KCNK10: variants seen among roughly 807,000 people sequenced by gnomAD.
The protein encoded by KCNK10 is potassium two pore domain channel subfamily K member 10, also known as potassium channel subfamily K member 10.
Under a neutral mutation model 47.7 loss-of-function variants are expected in KCNK10, and 25 were observed. The observed-to-expected ratio is 0.52, with a 90% CI of 0.38 to 0.73. The LOEUF is 0.73. Ranked by LOEUF, KCNK10 falls within the 30% of genes least tolerant of loss-of-function variation. The pLI, the probability that KCNK10 is intolerant of heterozygous loss-of-function variation, is 0.00. For synonymous variants in KCNK10, 303 were observed against 285.6 expected (o/e 1.06, Z -0.61); for missense variants, 563 against 714.5 (o/e 0.79, Z 2.42).
chr14:88,301,698 C>T (rs1888104012), intron 1 of KCNK10, among the ~76,000 whole-genome samples: 1 of 150,720 alleles, frequency 6.6e-6, no homozygotes, highest in Non-Finnish European at 1.5e-5. Context: ...TCAGGAGGAG[C>T]TTGTTTTATT....
At chr14:88,299,595 C>A (rs1389524279) in intron 1 of KCNK10, among the ~76,000 whole-genome samples, 3 of 152,148 alleles carry the variant, frequency 2.0e-5, no homozygotes, top group Admixed American at 1.3e-4. Flanking sequence ...CACAAGACAG[C>A]ATTAGGTAAC....
At chr14:88,325,253 G>A (rs534119797), upstream of KCNK10, among the ~76,000 whole-genome samples, 3 of 152,090 alleles carry the variant, frequency 2.0e-5, no homozygotes, top group South Asian at 6.2e-4. Context: ...AACTGTTCAC[G>A]GACAGCTGGA....
chr14:88,217,131 T>C (rs914533114), intron 4 of KCNK10, among the ~76,000 whole-genome samples: 1 of 152,226 alleles, frequency 6.6e-6, no homozygotes, highest in African/African-American at 2.4e-5. Context: ...CCCTCCAGCC[T>C]GGGCAACAGA....
At chr14:88,227,296 G>T in intron 4 of KCNK10, 79 bp downstream of exon 4, 1 of 1,165,534 alleles carries the variant, frequency 8.6e-7, no homozygotes, top group Non-Finnish European at 1.2e-6. Flanking sequence ...CAATGCCCCT[G>T]ATACTGCCTC....
intron 1 of KCNK10, among the ~76,000 whole-genome samples, chr14:88,283,236 T>TA (rs1417943881): frequency 6.6e-6 from 1 of 152,226 alleles, no homozygotes; most frequent in Non-Finnish European, 1.5e-5. Context: ...CACATTTATG[T>TA]AAAAAATCAG....
intron 4 of KCNK10, among the ~76,000 whole-genome samples, chr14:88,207,770 A>G (rs1361241420): frequency 6.6e-6 from 1 of 152,152 alleles, no homozygotes; most frequent in Non-Finnish European, 1.5e-5. Context: ...ACCCGACCTC[A>G]CACAACTCAT....
chr14:88,190,766 A>G (rs1238714465), intron 5 of KCNK10, among the ~76,000 whole-genome samples: 4 of 152,226 alleles, frequency 2.6e-5, no homozygotes, highest in Admixed American at 6.5e-5. Flanking sequence ...GAAGAGCTAC[A>G]AAACCACTCT....
chr14:88,209,087 T>G (rs2139848138), intron 4 of KCNK10, among the ~76,000 whole-genome samples: 1 of 152,326 alleles, frequency 6.6e-6, no homozygotes. Flanking sequence ...ATACAGTATC[T>G]AAACAGAAGA....
At chr14:88,302,462 C>A (rs1888121128) in intron 1 of KCNK10, among the ~76,000 whole-genome samples, 1 of 152,232 alleles carries the variant, frequency 6.6e-6, no homozygotes, top group Admixed American at 6.5e-5. Flanking sequence ...GTAATCCCAG[C>A]ACTTTGGGAG....
rs528236249 is a variant in KCNK10 at position 88,272,363 on chromosome 14, G to T, written c.53-8812C>A. On this transcript the variant is annotated intron_variant, in intron 1 of 6. Coordinates refer to ENST00000319231, the MANE Select transcript of KCNK10 (RefSeq NM_138317.3). Reference sequence around the variant, plus strand: ...GGGGACAGAAAGACATGAAGAGAGAGTGTCAGTGCCACCGAAGAGGAGACG... The same window carrying T: ...GGGGACAGAAAGACATGAAGAGAGATTGTCAGTGCCACCGAAGAGGAGACG... Among the ~76,000 whole-genome samples the T allele has an allele frequency of 2.0e-4, 30 of 152,264 alleles. No individual in the cohort carries two copies. In the South Asian group the frequency reaches 6.2e-3, roughly 32 times the overall value.
At chr14:88,287,505 A>G (rs1887787405) in intron 1 of KCNK10, among the ~76,000 whole-genome samples, 1 of 152,158 alleles carries the variant, frequency 6.6e-6, no homozygotes, top group Non-Finnish European at 1.5e-5. Context: ...AAGTCCAATG[A>G]GGATGCCTTT....
In KCNK10 at chr14:88,227,597, T is replaced by A. The variant is rs1886029046; in HGVS notation, c.521-62A>T. Reference sequence around the variant, plus strand: ...GAAATTAGCATACTGACCAAAGAACTCACAGACTTTTTTAAAAGTTTGTAC... The same window carrying A: ...GAAATTAGCATACTGACCAAAGAACACACAGACTTTTTTAAAAGTTTGTAC... On this transcript the variant is annotated intron_variant, in intron 3 of 6. Coordinates refer to ENST00000319231, the MANE Select transcript of KCNK10 (RefSeq NM_138317.3). 10 of 1,476,322 alleles carry A rather than the reference T, an allele frequency of 6.8e-6. No homozygotes were observed. In the South Asian group the frequency reaches 1.4e-4, roughly 20 times the overall value. 91.5% of individuals were successfully genotyped at this position (1,476,322 alleles called of 1,614,324 possible). A position where few individuals can be genotyped will look rare whatever the true frequency, so the allele number is the denominator to read the frequency against.
chr14:88,199,224 A>G (rs561527048), intron 4 of KCNK10, among the ~76,000 whole-genome samples: 63 of 152,034 alleles, frequency 4.1e-4, no homozygotes, highest in African/African-American at 1.5e-3. Flanking sequence ...CCGGCCCATG[A>G]TTTTTTTATT....
intron 2 of KCNK10, among the ~76,000 whole-genome samples, chr14:88,257,959 C>T (rs1291920862): frequency 1.3e-5 from 2 of 152,004 alleles, no homozygotes; most frequent in Admixed American, 6.6e-5. Flanking sequence ...CTGGCCTCTA[C>T]CCACTAGATG....
At chr14:88,218,178 T>G (rs1228598919) in intron 4 of KCNK10, among the ~76,000 whole-genome samples, 1 of 152,178 alleles carries the variant, frequency 6.6e-6, no homozygotes, top group African/African-American at 2.4e-5. Flanking sequence ...GTAATTATTT[T>G]AAGTTAACCC....
At chr14:88,212,325 A>T (rs1885488811) in intron 4 of KCNK10, among the ~76,000 whole-genome samples, 3 of 151,914 alleles carry the variant, frequency 2.0e-5, no homozygotes. Flanking sequence ...CTGTAGTCCC[A>T]GCGATACAGG....
intron 1 of KCNK10, among the ~76,000 whole-genome samples, chr14:88,310,204 T>C (rs1444562601): frequency 8.1e-6 from 1 of 124,146 alleles, no homozygotes; most frequent in Admixed American, 7.6e-5. Context: ...ATATGGTATA[T>C]GATATACCAT....
chr14:88,301,396 A>G (rs574784312), intron 1 of KCNK10, among the ~76,000 whole-genome samples: 2 of 152,192 alleles, frequency 1.3e-5, no homozygotes, highest in South Asian at 2.1e-4. Flanking sequence ...TACTGTTTTT[A>G]GTTTATTAAT....
At chr14:88,202,912 C>A (rs1289633578) in intron 4 of KCNK10, among the ~76,000 whole-genome samples, 9 of 152,300 alleles carry the variant, frequency 5.9e-5, no homozygotes, top group Admixed American at 1.3e-4. Context: ...AGTCCTGGAT[C>A]CTCCTAGGTC....
Sources: allele counts gnomAD v4.1 joint callset (sites outside exome capture counted in the v4.1 genomes callset), GRCh38; gene constraint gnomAD v4.1.1; transcripts MANE v1.5; gene names NCBI Gene and HGNC (gene_info 2026-07-23, HGNC 2026-07-21).